The following CACNG3 variants were observed in gnomAD, a reference collection of about 807,000 sequenced individuals.
CACNG3 encodes calcium voltage-gated channel auxiliary subunit gamma 3, also known as voltage-dependent calcium channel gamma-3 subunit.
CACNG3 carries 3 observed loss-of-function variants against 28.5 expected under a neutral mutation model. The ratio of observed to expected loss-of-function variants is 0.11; its 90% CI spans 0.05 to 0.27. The LOEUF is 0.27. CACNG3 is among the 10% of genes least tolerant of loss of function. The pLI is 1.00. For missense variants in CACNG3, 236 were observed against 414.4 expected (o/e 0.57, Z 3.74); for synonymous variants, 174 against 162.2 (o/e 1.07, Z -0.55).
At chr16:24,358,738 C>G (rs184178135) in intron 3 of CACNG3, among the ~76,000 whole-genome samples, 90 of 152,222 alleles carry the variant, frequency 5.9e-4, no homozygotes, top group African/African-American at 2.0e-3. Flanking sequence ...GCTAAGAGCT[C>G]TGGATTCAAA....
At chr16:24,261,106 T>A (rs1233263428) in intron 1 of CACNG3, among the ~76,000 whole-genome samples, 1 of 152,174 alleles carries the variant, frequency 6.6e-6, no homozygotes, top group Non-Finnish European at 1.5e-5. Flanking sequence ...TTTACCCAAA[T>A]CTAAAATGAG....
chr16:24,305,784 C>T (rs1379831505), intron 1 of CACNG3, among the ~76,000 whole-genome samples: 3 of 152,070 alleles, frequency 2.0e-5, no homozygotes, highest in Non-Finnish European at 2.9e-5. Context: ...GCACATTCTG[C>T]ACATGTATCC....
Position 24,361,731 on chromosome 16 carries a change from A to G in CACNG3, c.816A>G (p.Ser272=). 6.2e-7 allele frequency: 1 copy of G among 1,613,712 alleles called. No homozygotes were observed. The highest frequency in any genetic ancestry group is 8.5e-7 in the Non-Finnish European group (1 of 1,179,968). The stretch of plus-strand genomic sequence containing the variant: ...TGTTCACCCTCTCCCGGGACCCCTC[A>G]AAGATCACCATGGGGACCCTCCTCA... ...ISMFTLSRDP[S]KITMGTLLNS... The change falls in exon 4 of 4, where the codon TCA becomes TCG. Residue 272 remains serine, a synonymous_variant. Transcript: ENST00000005284. This position sits in a 1 kb window ranked among gnomAD's most constrained non-coding sequence, Gnocchi z 6.8.
At chr16:24,317,705 AAAGAAAGAAAAG>A (rs1899400432) in intron 1 of CACNG3, among the ~76,000 whole-genome samples, 3 of 106,524 alleles carry the variant, frequency 2.8e-5, no homozygotes, top group African/African-American at 1.2e-4. Context: ...AGAAAGAAAG[AAAGAAAGAAAAG>A]AAAGAAAAGA....
At chr16:24,297,249 A>AAAAATAAAAT (rs559621094) in intron 1 of CACNG3, among the ~76,000 whole-genome samples, 19 of 128,150 alleles carry the variant, frequency 1.5e-4, no homozygotes, top group African/African-American at 6.5e-4. Context: ...TCCCATCTCT[A>AAAAATAAAAT]AAAATAAAAT....
chr16:24,324,087 T>C (rs1349946021), intron 1 of CACNG3, among the ~76,000 whole-genome samples: 3 of 152,178 alleles, frequency 2.0e-5, no homozygotes, highest in Non-Finnish European at 4.4e-5. Flanking sequence ...AGATTTCTTA[T>C]ATACATTTTT....
intron 1 of CACNG3, among the ~76,000 whole-genome samples, chr16:24,338,469 G>A (rs1164245799): frequency 6.6e-6 from 1 of 152,020 alleles, no homozygotes; most frequent in African/African-American, 2.4e-5. Context: ...TCAGCCTCCC[G>A]AGTAGCTGGG....
At chr16:24,270,329 A>T (rs778469126) in intron 1 of CACNG3, among the ~76,000 whole-genome samples, 3 of 152,234 alleles carry the variant, frequency 2.0e-5, no homozygotes, top group Non-Finnish European at 2.9e-5. Context: ...AGCAGAACCA[A>T]TTAGCTGTTT....
At chr16:24,280,240 A>G (rs1262806890) in intron 1 of CACNG3, among the ~76,000 whole-genome samples, 1 of 152,162 alleles carries the variant, frequency 6.6e-6, no homozygotes, top group Non-Finnish European at 1.5e-5. Flanking sequence ...CTGACTTGTC[A>G]TCTGGTTTTA....
chr16:24,298,393 C>T (rs939193588), intron 1 of CACNG3, among the ~76,000 whole-genome samples: 98 of 151,748 alleles, frequency 6.5e-4, no homozygotes, highest in Admixed American at 2.2e-3. Context: ...CAATTGAAAA[C>T]CACACACACA....
At chr16:24,313,254 T>C (rs1048884342) in intron 1 of CACNG3, among the ~76,000 whole-genome samples, 2 of 152,222 alleles carry the variant, frequency 1.3e-5, no homozygotes, top group African/African-American at 4.8e-5. Flanking sequence ...CCTTTATTTC[T>C]CAAAACAACC....
chr16:24,347,684 G>A (rs1339602183), intron 2 of CACNG3, among the ~76,000 whole-genome samples: 1 of 152,174 alleles, frequency 6.6e-6, no homozygotes, highest in Non-Finnish European at 1.5e-5. Flanking sequence ...GTCTCTGTAG[G>A]ATTTTTCCAA....
intron 1 of CACNG3, among the ~76,000 whole-genome samples, chr16:24,326,332 C>A (rs1371589559): frequency 6.6e-6 from 1 of 152,062 alleles, no homozygotes; most frequent in Non-Finnish European, 1.5e-5. Flanking sequence ...CCAGTAGGCC[C>A]GGCTCATTTT....
intron 1 of CACNG3, among the ~76,000 whole-genome samples, chr16:24,266,009 T>G (rs1218101389): frequency 6.6e-6 from 1 of 152,224 alleles, no homozygotes; most frequent in Non-Finnish European, 1.5e-5. Flanking sequence ...TCTTTTTTCT[T>G]GCACCATCTG....
rs189163575 is a variant in CACNG3, at chr16:24,271,641, G to A, written c.211+14676G>A. On this transcript the variant is annotated intron_variant, in intron 1 of 3. Transcript: ENST00000005284. ...CTGCACCAAATGTACTTATTGAGCC[G>A]CTACTATGTGCTAGACCCTGTGTTG... Among the ~76,000 whole-genome samples, 563 of 152,274 alleles carry A rather than the reference G, an allele frequency of 3.7e-3. 4 individuals are homozygous for A. The highest frequency in any genetic ancestry group is 5.6e-3 in the Non-Finnish European group (383 of 68,024).
chr16:24,356,270 T>C (rs11860822), intron 3 of CACNG3, among the ~76,000 whole-genome samples: 49,710 of 151,720 alleles, frequency 0.33, 9,510 homozygotes, highest in South Asian at 0.55. Context: ...GGGACAGCGG[T>C]GGAGAGTATA....
intron 1 of CACNG3, among the ~76,000 whole-genome samples, chr16:24,261,825 T>G (rs915363320): frequency 3.3e-5 from 5 of 152,190 alleles, no homozygotes; most frequent in African/African-American, 1.2e-4. Context: ...TCATTAGAAG[T>G]TCTCCCATAT....
At chr16:24,260,982 T>C (rs1258879043) in intron 1 of CACNG3, among the ~76,000 whole-genome samples, 3 of 152,218 alleles carry the variant, frequency 2.0e-5, no homozygotes, top group Non-Finnish European at 2.9e-5. Context: ...AAGCAATGTA[T>C]TTAGATAGCA....
chr16:24,305,767 C>T (rs952951974), intron 1 of CACNG3, among the ~76,000 whole-genome samples: 3 of 152,054 alleles, frequency 2.0e-5, no homozygotes, highest in Non-Finnish European at 4.4e-5. Context: ...ACCTATGTAA[C>T]AAACCTGCAC....
Sources: gnomAD v4.1 joint callset for allele counts (sites outside exome capture counted in the v4.1 genomes callset) on GRCh38, gnomAD v4.1.1 for gene constraint, Gnocchi (gnomAD v3.1) non-coding constraint, MANE v1.5 for transcripts, NCBI Gene and HGNC (gene_info 2026-07-23, HGNC 2026-07-21) for gene names.